SLC22A5: variants seen among roughly 807,000 people sequenced by gnomAD.
SLC22A5 encodes organic cation/carnitine transporter 2.
In SLC22A5, 44 loss-of-function variants were observed where a neutral mutation model predicts 56.7. The observed-to-expected ratio is 0.78, with a 90% confidence interval of 0.61 to 1.00. The LOEUF (loss-of-function observed/expected upper bound fraction) is 1.00, where lower values mean the gene tolerates loss of function less well. Among genes scored for constraint, SLC22A5 ranks in the 50% least tolerant of loss-of-function variants. The pLI is 0.00. For synonymous variants in SLC22A5, 278 were observed against 292.1 expected (o/e 0.95, Z 0.49); for missense variants, 675 against 723.0 (o/e 0.93, Z 0.76).
In SLC22A5 at chr5:132,388,947, G is replaced by C; in HGVS notation, c.978G>C (p.Gln326His). 6.2e-7 allele frequency: 1 copy of C among 1,613,664 alleles called. No homozygotes were observed. The highest frequency in any genetic ancestry group is 1.1e-5 in the South Asian group (1 of 91,064). ...SELQDLSSKK[Q>H]QSHNILDLLR... Reference sequence around the variant, plus strand: ...TACAAGACCTAAGTTCCAAGAAGCAGCAGTCCCACAACATTCTGGATCTGC... The same window carrying C: ...TACAAGACCTAAGTTCCAAGAAGCACCAGTCCCACAACATTCTGGATCTGC... The change falls in exon 6 of 10, where the codon CAG (glutamine) becomes CAC (histidine). Residue 326 changes from glutamine to histidine, a missense_variant. Coordinates refer to ENST00000245407, the MANE Select transcript of SLC22A5 (RefSeq NM_003060.4).
chr5:132,378,930 C>T (rs1752248325), intron 2 of SLC22A5: 2 of 209,372 alleles, frequency 9.6e-6, no homozygotes, highest in Admixed American at 5.2e-5. Flanking sequence ...GTGAAAGGAG[C>T]TCTCACCAGC....
intron 1 of SLC22A5, among the ~76,000 whole-genome samples, chr5:132,370,953 C>CTTTT (rs750736082): frequency 7.5e-6 from 1 of 133,786 alleles, no homozygotes; most frequent in Non-Finnish European, 1.6e-5. Flanking sequence ...AGTTGTCAGT[C>CTTTT]TTTTTTTTTT....
In SLC22A5 at chr5:132,392,496, C is replaced by G. The variant is rs759393311; in HGVS notation, c.1331C>G (p.Ser444Cys). 5.0e-6 allele frequency: 8 copies of G among 1,614,078 alleles called. No homozygotes were observed. The highest frequency in any genetic ancestry group is 6.8e-6 in the Non-Finnish European group (8 of 1,180,026). ...AAGTTTGGAGTCACGGCTGCCTTTT[C>G]CATGGTCTACGTGTACACAGCCGAG... ...VGKFGVTAAF[S>C]MVYVYTAELY... Residue 444 changes from serine to cysteine, a missense_variant, in exon 8 of 10, where the codon TCC becomes TGC. Ser to Cys is a moderately radical substitution (Grantham distance 112). Transcript: ENST00000245407.
intron 1 of SLC22A5, among the ~76,000 whole-genome samples, chr5:132,371,983 A>G (rs978433500): frequency 3.3e-5 from 5 of 152,200 alleles, no homozygotes; most frequent in East Asian, 1.9e-4. Context: ...GTGTGTGTGC[A>G]TGTGTGTGTT....
At chr5:132,378,965 T>G in intron 2 of SLC22A5, 1 of 189,564 alleles carries the variant, frequency 5.3e-6, no homozygotes. Context: ...AAAGCAGAAC[T>G]CTTTTGTCCA....
Position 132,385,466 on chromosome 5 carries a change from C to T in SLC22A5, c.791C>T (p.Thr264Met), listed in dbSNP as rs201262157. 3.0e-5 allele frequency: 48 copies of T among 1,614,032 alleles called. No individual in the cohort carries two copies. The highest frequency in any genetic ancestry group is 2.7e-4 in the African/African-American group (20 of 74,906). ...TGGCGGATGCTGCTGGTGGCGCTGA[C>T]GATGCCGGGGGTGCTATGCGTGGCA... Reference protein sequence around the residue: ...RDWRMLLVALTMPGVLCVALW... With the variant: ...RDWRMLLVALMMPGVLCVALW... The change falls in exon 4 of 10, where the codon ACG (threonine) becomes ATG (methionine). Residue 264 changes from threonine to methionine, a missense_variant. Transcript: ENST00000245407.
intron 9 of SLC22A5, 153 bp downstream of exon 9, chr5:132,393,964 C>T (rs1244222623): frequency 2.1e-6 from 2 of 959,240 alleles, no homozygotes; most frequent in African/African-American, 3.2e-5. Context: ...AAGGTGCTTA[C>T]TTATAGCCCA....
At chr5:132,375,453 G>A (rs1464233738) in intron 1 of SLC22A5, among the ~76,000 whole-genome samples, 1 of 152,170 alleles carries the variant, frequency 6.6e-6, no homozygotes. Context: ...CCTCAGGGAA[G>A]AACTTCTGTC....
chr5:132,379,332 C>T (rs1752266103), intron 2 of SLC22A5: 1 of 152,216 alleles, frequency 6.6e-6, no homozygotes, highest in African/African-American at 2.4e-5. Context: ...CATGTGAGAA[C>T]ACCCCACAAA....
chr5:132,369,786 C>A lies in SLC22A5; in HGVS notation c.-187C>A. 1.5e-6 allele frequency: 1 copy of A among 689,460 alleles called. No homozygotes were observed. Among genetic ancestry groups the A allele is most frequent in the Non-Finnish European group, 2.3e-6 (1 of 440,594 alleles). 42.7% of individuals were successfully genotyped at this position (689,460 alleles called of 1,614,324 possible). ...GCCCGCAACCTTCCCTGGTCGTGCG[C>A]CCTATGTAAGGCCAGCCGCGGCAGG... On this transcript the variant is annotated 5_prime_UTR_variant, in exon 1 of 10. Transcript: ENST00000245407.
chr5:132,384,390 C>CCCTTGAGGGACA, intron 3 of SLC22A5, 89 bp downstream of exon 3: 1 of 1,319,866 alleles, frequency 7.6e-7, no homozygotes, highest in Non-Finnish European at 1.1e-6. Context: ...TGTGATGTCC[C>CCCTTGAGGGACA]TCAAGGGGGA....
chr5:132,390,809 GGCT>G lies in SLC22A5; in HGVS notation c.1181_1183del (p.Leu394del), dbSNP rs386134215. 3.1e-5 allele frequency: 50 copies of G among 1,614,218 alleles called. No homozygotes were observed. The Admixed American group carries it at 6.3e-4, about 20-fold the overall frequency. On this transcript the variant is annotated inframe_deletion, in exon 7 of 10. Coordinates refer to ENST00000245407, the MANE Select transcript of SLC22A5 (RefSeq NM_003060.4). ...GAAGTCCCAGCATATGTGTTGGCCT[GGCT>G]GCTGCTGCAATATTTGCCCCGGCGC...
At chr5:132,378,282 G>A in intron 1 of SLC22A5, 96 bp from the exon 2 acceptor site, 1 of 1,613,492 alleles carries the variant, frequency 6.2e-7, no homozygotes, top group Non-Finnish European at 8.5e-7. Flanking sequence ...AGCGTGTGGG[G>A]ATGGCAGGAT....
chr5:132,384,796 G>A (rs1752466246), intron 3 of SLC22A5, among the ~76,000 whole-genome samples: 3 of 152,210 alleles, frequency 2.0e-5, no homozygotes, highest in Admixed American at 2.0e-4. Flanking sequence ...CACCTTCAGG[G>A]TTTTAATTCA....
At chr5:132,390,324 G>A (rs1311677600) in intron 6 of SLC22A5, 7 of 362,464 alleles carry the variant, frequency 1.9e-5, no homozygotes, top group African/African-American at 6.4e-5. Context: ...TCATTCTCTA[G>A]CTCCTTCTGC....
At chr5:132,386,932 C>A in intron 4 of SLC22A5, 93 bp from the exon 5 acceptor site, 1 of 1,368,236 alleles carries the variant, frequency 7.3e-7, no homozygotes, top group Non-Finnish European at 1.0e-6. Context: ...TCTGGTTCTG[C>A]AACCTTATTC....
intron 6 of SLC22A5, chr5:132,389,474 C>T (rs1162366128): frequency 2.1e-5 from 6 of 287,932 alleles, no homozygotes; most frequent in African/African-American, 4.4e-5. Context: ...TGTCCATAAA[C>T]GGTCCTGGAG....
intron 1 of SLC22A5, among the ~76,000 whole-genome samples, chr5:132,371,779 A>G (rs546024083): frequency 6.6e-6 from 1 of 152,200 alleles, no homozygotes; most frequent in African/African-American, 2.4e-5. Flanking sequence ...CGGAGTTCAC[A>G]GAGAGGGGAG....
intron 1 of SLC22A5, among the ~76,000 whole-genome samples, chr5:132,372,843 C>A (rs671473): frequency 0.29 from 43,517 of 152,066 alleles, 6,945 homozygotes; most frequent in South Asian, 0.56. Flanking sequence ...GGCCTGCTGA[C>A]CACTGCATCT....
Sources: gnomAD v4.1 joint callset for allele counts (sites outside exome capture counted in the v4.1 genomes callset) on GRCh38, gnomAD v4.1.1 for gene constraint, MANE v1.5 for transcripts, NCBI Gene and HGNC (gene_info 2026-07-23, HGNC 2026-07-21) for gene names.